LYST: variants seen among roughly 807,000 people sequenced by gnomAD.
LYST encodes the protein lysosomal trafficking regulator.
LYST carries 192 observed loss-of-function variants against 413.6 expected under a neutral mutation model. The ratio of observed to expected loss-of-function variants is 0.46; its 90% CI spans 0.41 to 0.52. The LOEUF (loss-of-function observed/expected upper bound fraction) is 0.52, where lower values mean the gene tolerates loss of function less well. Among genes scored for constraint, LYST ranks in the 20% least tolerant of loss-of-function variants. The pLI is 0.00. For synonymous variants in LYST, 1,525 were observed against 1,567.3 expected (o/e 0.97, Z 0.64); for missense variants, 3,815 against 4,499.9 (o/e 0.85, Z 4.35).
chr1:235,831,615 C>T (rs1408601232), intron 2 of LYST, among the ~76,000 whole-genome samples: 1 of 152,056 alleles, frequency 6.6e-6, no homozygotes, highest in Non-Finnish European at 1.5e-5. Flanking sequence ...CATCCTGGGA[C>T]CTCACAGTTT....
At position 235,709,936 on chromosome 1, in the gene LYST, T is replaced by C. The variant is rs557121638; in HGVS notation, c.9926-628A>G. ...GAAATAAGAGGGTTCTTCTGTGATG[T>C]AAATGAGCTAATATCTAATTGTCTC... is the stretch of plus-strand genomic sequence containing the variant. On this transcript the variant is annotated intron_variant, in intron 43 of 52. Coordinates refer to ENST00000389793, the MANE Select transcript of LYST (RefSeq NM_000081.4). Among the ~76,000 whole-genome samples the C allele has an allele frequency of 1.3e-4, 18 of 139,918 alleles. 1 individual carries two copies. The South Asian group carries it at 3.7e-3, about 29-fold the overall frequency. The allele number at this position is 139,918 out of a possible 152,430, so 91.8% of individuals were successfully genotyped here. A position where few individuals can be genotyped will look rare whatever the true frequency, so the allele number is the denominator to read the frequency against.
At chr1:235,791,317 T>G (rs1670966236) in intron 12 of LYST, among the ~76,000 whole-genome samples, 1 of 151,524 alleles carries the variant, frequency 6.6e-6, no homozygotes, top group African/African-American at 2.4e-5. Context: ...AAATGGGGAC[T>G]GTCTAATAGG....
At chr1:235,797,997 G>A (rs747867599) in intron 10 of LYST, among the ~76,000 whole-genome samples, 1 of 152,024 alleles carries the variant, frequency 6.6e-6, no homozygotes, top group Non-Finnish European at 1.5e-5. Flanking sequence ...CAAGATATAC[G>A]AATGGCCAAT....
chr1:235,855,056 T>A (rs1024501824), intron 1 of LYST, among the ~76,000 whole-genome samples: 1 of 152,210 alleles, frequency 6.6e-6, no homozygotes, highest in East Asian at 1.9e-4. Flanking sequence ...GGGTATACAC[T>A]TTCTCAACTA....
chr1:235,715,081 T>C, intron 42 of LYST, 120 bp downstream of exon 42: 7 of 943,104 alleles, frequency 7.4e-6, no homozygotes, highest in Non-Finnish European at 1.2e-5. Context: ...AATAGAATTC[T>C]TTTTCCTGTA....
At chr1:235,810,889 A>C (rs915280534) in intron 4 of LYST, among the ~76,000 whole-genome samples, 3 of 152,240 alleles carry the variant, frequency 2.0e-5, no homozygotes, top group African/African-American at 7.2e-5. Flanking sequence ...TATGCCTGTA[A>C]TCCCAGCACT....
At chr1:235,812,181 T>C (rs1244833599) in intron 4 of LYST, among the ~76,000 whole-genome samples, 1 of 151,912 alleles carries the variant, frequency 6.6e-6, no homozygotes, top group African/African-American at 2.4e-5. Context: ...CATAGAATAA[T>C]TCTACCCAAG....
At chr1:235,690,763 G>A (rs1660578662) in intron 47 of LYST, among the ~76,000 whole-genome samples, 1 of 152,170 alleles carries the variant, frequency 6.6e-6, no homozygotes, top group Admixed American at 6.5e-5. Flanking sequence ...GGCAGCAGGT[G>A]TTATGCAGGT....
At chr1:235,740,792 T>C (rs1052069500) in intron 31 of LYST, among the ~76,000 whole-genome samples, 5 of 152,236 alleles carry the variant, frequency 3.3e-5, no homozygotes, top group Admixed American at 3.3e-4. Context: ...TATGAACATA[T>C]GTTTTAATTT....
chr1:235,821,762 A>G (rs949827073), intron 3 of LYST, among the ~76,000 whole-genome samples: 18 of 152,262 alleles, frequency 1.2e-4, no homozygotes, highest in Admixed American at 6.5e-5. Flanking sequence ...TACATTGTAC[A>G]AAACAAGTCA....
chr1:235,668,074 TG>T (rs751915380), intron 50 of LYST, among the ~76,000 whole-genome samples: 1 of 152,200 alleles, frequency 6.6e-6, no homozygotes, highest in Non-Finnish European at 1.5e-5. Context: ...GAAAAAAGTC[TG>T]TACATACTAA....
intron 20 of LYST, among the ~76,000 whole-genome samples, chr1:235,769,868 G>T (rs2103414106): frequency 6.6e-6 from 1 of 152,174 alleles, no homozygotes; most frequent in South Asian, 2.1e-4. Context: ...TATTCTTGCT[G>T]TTCAAGGCAG....
chr1:235,754,633 T>G (rs867070415), intron 25 of LYST, among the ~76,000 whole-genome samples: 2 of 152,234 alleles, frequency 1.3e-5, no homozygotes, highest in African/African-American at 4.8e-5. Context: ...AACTAGTGAA[T>G]GAACTATAAA....
chr1:235,769,627 T>C (rs1402774536), intron 20 of LYST, among the ~76,000 whole-genome samples: 1 of 151,972 alleles, frequency 6.6e-6, no homozygotes, highest in Non-Finnish European at 1.5e-5. Flanking sequence ...TTGGTTGGTA[T>C]TAGATGATAT....
chr1:235,698,599 C>T (rs980666414), intron 45 of LYST, among the ~76,000 whole-genome samples: 10 of 152,022 alleles, frequency 6.6e-5, no homozygotes, highest in Non-Finnish European at 8.8e-5. Context: ...AGGCCGGGCG[C>T]GGTGGCTCAA....
intron 34 of LYST, among the ~76,000 whole-genome samples, chr1:235,732,129 A>G (rs1409897353): frequency 6.6e-6 from 1 of 151,936 alleles, no homozygotes; most frequent in African/African-American, 2.4e-5. Flanking sequence ...TCATTTTTCT[A>G]TAACTTGCCT....
intron 25 of LYST, among the ~76,000 whole-genome samples, chr1:235,754,336 G>A (rs1666797196): frequency 2.0e-5 from 3 of 148,468 alleles, no homozygotes; most frequent in South Asian, 2.1e-4. Flanking sequence ...GGGTTCAAGC[G>A]GTTCTCCTGC....
chr1:235,712,667 C>G (rs1220074913), intron 42 of LYST: 1 of 985,026 alleles, frequency 1.0e-6, no homozygotes, highest in Non-Finnish European at 1.2e-6. Context: ...TACTTTTTCT[C>G]CTTTCTTTTC....
At chr1:235,867,567 A>G (rs1288982742), upstream of LYST, among the ~76,000 whole-genome samples, 1 of 152,182 alleles carries the variant, frequency 6.6e-6, no homozygotes, top group African/African-American at 2.4e-5. Flanking sequence ...CACGGTTTGT[A>G]TACAGTGCGC....
Sources: gnomAD v4.1 joint callset for allele counts (sites outside exome capture counted in the v4.1 genomes callset) on GRCh38, gnomAD v4.1.1 for gene constraint, MANE v1.5 for transcripts, NCBI Gene and HGNC (gene_info 2026-07-23, HGNC 2026-07-21) for gene names.